CASD1: variants seen among roughly 807,000 people sequenced by gnomAD.
CASD1 encodes CAS1 domain sialic acid O acetyltransferase 1.
In CASD1, 41 loss-of-function variants were observed where a neutral mutation model predicts 100.0. The observed-to-expected ratio is 0.41, with a 90% CI of 0.32 to 0.53. The LOEUF (loss-of-function observed/expected upper bound fraction) is 0.53, where lower values mean the gene tolerates loss of function less well. CASD1 is among the 20% of genes least tolerant of loss of function. CASD1 has a pLI of 0.25. For synonymous variants in CASD1, 321 were observed against 315.6 expected (o/e 1.02, Z -0.18); for missense variants, 774 against 948.7 (o/e 0.82, Z 2.42).
chr7:94,547,143 C>T lies in CASD1; in HGVS notation c.1681C>T (p.Leu561=). 6.3e-7 allele frequency: 1 copy of T among 1,590,218 alleles called. No homozygotes were observed. Among genetic ancestry groups the T allele is most frequent in the Non-Finnish European group, 8.6e-7 (1 of 1,167,530 alleles). Residue 561 remains leucine, a synonymous_variant, in exon 13 of 18, where the codon CTG becomes TTG. Transcript: ENST00000297273. ...CTTACTGTTGAAACTAGGCTTTTTGCTGTTATTCATATGTTTTTTGGCATA... is the reference window on the plus strand; with the variant it reads ...CTTACTGTTGAAACTAGGCTTTTTGTTGTTATTCATATGTTTTTTGGCATA... The part of the protein sequence containing the change: ...FGLLLKLGFL[L]LFICFLAYSQ...
At chr7:94,587,082 T>C in the CASD1 span, 1 of 984,972 alleles carries the variant, frequency 1.0e-6, no homozygotes, top group Non-Finnish European at 1.2e-6. Context: ...ACCTGCTCCC[T>C]AAAATCTGTT....
chr7:94,573,382 T>G, the CASD1 span, among the ~76,000 whole-genome samples: 1 of 152,210 alleles, frequency 6.6e-6, no homozygotes, highest in South Asian at 2.1e-4. Context: ...TTCCATTTGT[T>G]TGTGTCTTCT....
chr7:94,517,393 A>G (rs1794032982), intron 1 of CASD1, among the ~76,000 whole-genome samples, 167 bp from the exon 2 acceptor site: 1 of 152,152 alleles, frequency 6.6e-6, no homozygotes, highest in Non-Finnish European at 1.5e-5. Flanking sequence ...ATATTAATGT[A>G]TTAATATTTA....
At chr7:94,554,819 A>G (rs903625216) in intron 17 of CASD1, among the ~76,000 whole-genome samples, 6 of 152,126 alleles carry the variant, frequency 3.9e-5, no homozygotes, top group African/African-American at 1.4e-4. Context: ...GCAAAATATT[A>G]TTTACGTTGT....
intron 1 of CASD1, among the ~76,000 whole-genome samples, chr7:94,516,688 T>G (rs951226916): frequency 6.6e-6 from 1 of 150,796 alleles, no homozygotes; most frequent in Admixed American, 6.6e-5. Context: ...CCAAACTCTC[T>G]TTTAACCCCT....
chr7:94,525,693 A>G (rs1794529684), intron 3 of CASD1, among the ~76,000 whole-genome samples: 2 of 152,206 alleles, frequency 1.3e-5, no homozygotes, highest in Non-Finnish European at 2.9e-5. Flanking sequence ...TGTTTGACCC[A>G]GTATATCCCA....
intron 1 of CASD1, among the ~76,000 whole-genome samples, chr7:94,510,478 C>T (rs770620349): frequency 2.6e-4 from 40 of 152,202 alleles, no homozygotes; most frequent in Non-Finnish European, 3.2e-4. Flanking sequence ...GGGCGCCAAC[C>T]CTGGACCTGG....
At chr7:94,632,126 A>G in the CASD1 span, among the ~76,000 whole-genome samples, 3 of 152,068 alleles carry the variant, frequency 2.0e-5, no homozygotes, top group African/African-American at 7.2e-5. Context: ...ATCATCCTTC[A>G]TTGACATTAT....
chr7:94,631,298 CT>C, the CASD1 span, among the ~76,000 whole-genome samples: 229 of 145,950 alleles, frequency 1.6e-3, 1 homozygote, highest in African/African-American at 2.5e-3. Context: ...GAATTTTATA[CT>C]TTTTTTTTTT....
chr7:94,622,005 A>G, the CASD1 span: 3 of 151,756 alleles, frequency 2.0e-5, no homozygotes, highest in African/African-American at 7.3e-5. Context: ...CCTGGGGGAA[A>G]ACATTCACTT....
chr7:94,545,407 G>T (rs117195540), intron 11 of CASD1, 138 bp from the exon 12 acceptor site: 4 of 540,398 alleles, frequency 7.4e-6, no homozygotes, highest in Non-Finnish European at 1.3e-5. Flanking sequence ...TAAGGGATTA[G>T]TAATATATAC....
the CASD1 span, among the ~76,000 whole-genome samples, chr7:94,594,155 G>A: frequency 8.4e-3 from 1,281 of 152,028 alleles, 8 homozygotes; most frequent in Middle Eastern, 0.028. Context: ...GAGGTACACC[G>A]GTCAAATACG....
chr7:94,535,605 A>G, intron 8 of CASD1, 82 bp downstream of exon 8: 2 of 997,468 alleles, frequency 2.0e-6, no homozygotes, highest in Non-Finnish European at 1.5e-6. Flanking sequence ...ACATGGTTAT[A>G]AATAATTTGT....
At chr7:94,598,053 T>G in the CASD1 span, 1 of 161,334 alleles carries the variant, frequency 6.2e-6, no homozygotes, top group Non-Finnish European at 1.4e-5. Flanking sequence ...AAATAACAGT[T>G]TTACCCACCA....
the CASD1 span, among the ~76,000 whole-genome samples, chr7:94,563,429 C>A: frequency 6.6e-6 from 1 of 152,092 alleles, no homozygotes; most frequent in Admixed American, 6.5e-5. Context: ...TAACTAATTA[C>A]TTACCACTTT....
At chr7:94,527,308 T>C in intron 4 of CASD1, 102 bp downstream of exon 4, 1 of 860,060 alleles carries the variant, frequency 1.2e-6, no homozygotes, top group South Asian at 1.7e-5. Context: ...TGAGAGTAGA[T>C]AAGAATATTA....
the CASD1 span, among the ~76,000 whole-genome samples, chr7:94,572,441 G>C: frequency 2.0e-5 from 3 of 152,064 alleles, no homozygotes; most frequent in African/African-American, 7.2e-5. Context: ...ATATAGGAAT[G>C]CTAGTGATTT....
At chr7:94,588,335 T>C in the CASD1 span, 2 of 1,086,682 alleles carry the variant, frequency 1.8e-6, no homozygotes, top group Non-Finnish European at 1.1e-6. Flanking sequence ...AACTTCAAGC[T>C]GCTCACTTAC....
At chr7:94,628,137 T>C in the CASD1 span, 50 of 991,912 alleles carry the variant, frequency 5.0e-5, no homozygotes, top group Middle Eastern at 2.2e-4. Context: ...CAAATTACAA[T>C]ACACACACAC....
Sources: gnomAD v4.1 joint callset for allele counts (sites outside exome capture counted in the v4.1 genomes callset) on GRCh38, gnomAD v4.1.1 for gene constraint, MANE v1.5 for transcripts, NCBI Gene and HGNC (gene_info 2026-07-23, HGNC 2026-07-21) for gene names.